The following CTDSPL2 variants were observed in gnomAD, a reference collection of about 807,000 sequenced individuals.
CTDSPL2 encodes the protein CTD small phosphatase-like protein 2.
Under a neutral mutation model 60.0 loss-of-function variants are expected in CTDSPL2, and 5 were observed. That is an observed-to-expected ratio of 0.08 (90% CI 0.04 to 0.18). The LOEUF (loss-of-function observed/expected upper bound fraction) is 0.18. CTDSPL2 is among the 10% of genes least tolerant of loss of function. The probability of loss-of-function intolerance (pLI) is 1.00; values close to 1 mark genes in which losing one functional copy is unlikely to be tolerated. For missense variants in CTDSPL2, 370 were observed against 548.8 expected (o/e 0.67, Z 3.26); for synonymous variants, 186 against 189.3 (o/e 0.98, Z 0.14).
At chr15:44,483,648 G>C (rs986881595) in intron 2 of CTDSPL2, among the ~76,000 whole-genome samples, 3 of 152,204 alleles carry the variant, frequency 2.0e-5, no homozygotes, top group African/African-American at 7.2e-5. Flanking sequence ...TGCAAGAATA[G>C]TATAAACTGG....
intron 1 of CTDSPL2, among the ~76,000 whole-genome samples, chr15:44,451,479 T>G (rs2080333541): frequency 6.6e-6 from 1 of 152,136 alleles, no homozygotes; most frequent in African/African-American, 2.4e-5. Context: ...AAATAAGAAT[T>G]TTTCCAACTC....
intron 3 of CTDSPL2, among the ~76,000 whole-genome samples, chr15:44,485,727 T>C (rs2081107140): frequency 6.6e-6 from 1 of 152,150 alleles, no homozygotes; most frequent in Admixed American, 6.5e-5. Context: ...ACGAATGCTA[T>C]CTTAAACACA....
rs1205238368 is a variant in CTDSPL2 at position 44,526,972 on chromosome 15, A to T, written c.*2798A>T. On this transcript the variant is annotated 3_prime_UTR_variant, in exon 13 of 13. Transcript: ENST00000260327. ...TTAAGACATTCTTTTAAATATTTGT[A>T]TCATTGTTAGGATGTTTTAATCAGT... is the stretch of plus-strand genomic sequence containing the variant. The T allele has an allele frequency of 6.6e-6, 1 of 152,374 alleles. No homozygotes were observed. Among genetic ancestry groups the T allele is most frequent in the East Asian group, 1.9e-4 (1 of 5,188 alleles). 9.4% of individuals were successfully genotyped at this position (152,374 alleles called of 1,614,324 possible).
At chr15:44,483,027 G>A (rs552984009) in intron 2 of CTDSPL2, among the ~76,000 whole-genome samples, 6 of 152,154 alleles carry the variant, frequency 3.9e-5, no homozygotes, top group African/African-American at 1.2e-4. Flanking sequence ...TTGGGAGGCC[G>A]AGGCAGGCGA....
At chr15:44,490,641 A>G (rs1372519772) in intron 4 of CTDSPL2, 143 bp from the exon 5 acceptor site, 5 of 642,812 alleles carry the variant, frequency 7.8e-6, no homozygotes, top group Non-Finnish European at 1.4e-5. Flanking sequence ...TAGCTAGCAA[A>G]GATTCTCTAA....
intron 10 of CTDSPL2, chr15:44,516,539 T>G (rs2140868432): frequency 6.6e-6 from 1 of 152,352 alleles, no homozygotes; most frequent in South Asian, 2.1e-4. Context: ...TTGTAATTTA[T>G]GCTAATTTTA....
chr15:44,474,640 G>C (rs2080879273), intron 2 of CTDSPL2, among the ~76,000 whole-genome samples: 1 of 152,166 alleles, frequency 6.6e-6, no homozygotes, highest in South Asian at 2.1e-4. Flanking sequence ...CGGATCACCT[G>C]AGGTCAAGAG....
chr15:44,519,801 C>T (rs1383513336), intron 11 of CTDSPL2: 2 of 152,538 alleles, frequency 1.3e-5, no homozygotes, highest in Non-Finnish European at 2.9e-5. Flanking sequence ...AGCAGTTTCA[C>T]TCTTGTTGCC....
chr15:44,501,442 G>A (rs1485968786), intron 8 of CTDSPL2, among the ~76,000 whole-genome samples: 1 of 151,966 alleles, frequency 6.6e-6, no homozygotes, highest in East Asian at 1.9e-4. Context: ...TCATAAAATT[G>A]AATTTTTTTC....
At chr15:44,511,141 T>C (rs975825199) in intron 8 of CTDSPL2, among the ~76,000 whole-genome samples, 16 of 152,202 alleles carry the variant, frequency 1.1e-4, no homozygotes, top group African/African-American at 3.9e-4. Context: ...GTTCACATGG[T>C]GAATCTGTTC....
intron 2 of CTDSPL2, among the ~76,000 whole-genome samples, chr15:44,483,871 G>A (rs2081073655): frequency 6.6e-6 from 1 of 152,104 alleles, no homozygotes; most frequent in Admixed American, 6.5e-5. Flanking sequence ...AGTTGCTTAA[G>A]GAAATTATCT....
At chr15:44,461,155 A>G (rs1219833137) in intron 2 of CTDSPL2, among the ~76,000 whole-genome samples, 1 of 152,220 alleles carries the variant, frequency 6.6e-6, no homozygotes, top group Non-Finnish European at 1.5e-5. Context: ...GAAAGATAAA[A>G]ACCAGAAGTG....
At chr15:44,465,712 CTTT>C (rs772862374) in intron 2 of CTDSPL2, among the ~76,000 whole-genome samples, 38 of 128,022 alleles carry the variant, frequency 3.0e-4, no homozygotes, top group East Asian at 2.9e-3. Flanking sequence ...TCCTCCTCCT[CTTT>C]TTTTTTTTTT....
chr15:44,509,244 C>T, intron 8 of CTDSPL2, among the ~76,000 whole-genome samples: 1 of 151,854 alleles, frequency 6.6e-6, no homozygotes, highest in East Asian at 1.9e-4. Flanking sequence ...CTTGATCACC[C>T]AGGCTGGAGT....
intron 2 of CTDSPL2, 55 bp from the exon 3 acceptor site, chr15:44,484,169 C>A: frequency 2.1e-6 from 3 of 1,458,400 alleles, no homozygotes; most frequent in Non-Finnish European, 1.9e-6. Context: ...AATATTGTAA[C>A]CTGTAAGGCA....
rs2081837837 is a variant in CTDSPL2, at chr15:44,524,235, C to G, written c.*61C>G. 1 of 1,374,838 alleles carries G rather than the reference C, an allele frequency of 7.3e-7. No individual in the cohort carries two copies. The highest frequency in any genetic ancestry group is 1.0e-6 in the Non-Finnish European group (1 of 967,634). 85.2% of individuals were successfully genotyped at this position (1,374,838 alleles called of 1,614,324 possible). ...AATGCAGGACCCTTTTGGACTAAGA[C>G]AAAAACATTGCCATTACTGTTGAAA... On this transcript the variant is annotated 3_prime_UTR_variant, in exon 13 of 13. Coordinates refer to ENST00000260327, the MANE Select transcript of CTDSPL2 (RefSeq NM_016396.3).
chr15:44,479,407 C>CTTTTTTTTT (rs11414036), intron 2 of CTDSPL2, among the ~76,000 whole-genome samples: 1 of 97,890 alleles, frequency 1.0e-5, no homozygotes, highest in Non-Finnish European at 2.0e-5. Flanking sequence ...ATTTTCTTTC[C>CTTTTTTTTT]TTTTTTTTTT....
At chr15:44,465,712 C>CTTTT (rs772862374) in intron 2 of CTDSPL2, among the ~76,000 whole-genome samples, 11 of 128,022 alleles carry the variant, frequency 8.6e-5, no homozygotes, top group Non-Finnish European at 1.6e-4. Flanking sequence ...TCCTCCTCCT[C>CTTTT]TTTTTTTTTT....
At position 44,474,893 on chromosome 15, in the gene CTDSPL2, CT is replaced by C. The variant is rs1328909702; in HGVS notation, c.187-9329del. Among the ~76,000 whole-genome samples, 8 of 152,160 alleles carry C rather than the reference CT, an allele frequency of 5.3e-5. No individual in the cohort carries two copies. In the East Asian group the frequency reaches 1.5e-3, roughly 29 times the overall value. On this transcript the variant is annotated intron_variant, in intron 2 of 12. Transcript: ENST00000260327. ...GTTGGGTTTCAGTGCGTTGATTTGTCTTAAGGTACCAGTTACTATATACACC... is the reference window on the plus strand; with the variant it reads ...GTTGGGTTTCAGTGCGTTGATTTGTCTAAGGTACCAGTTACTATATACACC...
Sources: gnomAD v4.1 joint callset for allele counts (sites outside exome capture counted in the v4.1 genomes callset) on GRCh38, gnomAD v4.1.1 for gene constraint, MANE v1.5 for transcripts, NCBI Gene and HGNC (gene_info 2026-07-23, HGNC 2026-07-21) for gene names.